The following IRX2 variants were observed in gnomAD, a reference collection of about 807,000 sequenced individuals.
IRX2 encodes iroquois homeobox 2.
A neutral mutation model predicts 42.9 loss-of-function variants in IRX2; 26 were observed. The observed-to-expected ratio is 0.61, with a 90% CI of 0.44 to 0.84. The LOEUF (loss-of-function observed/expected upper bound fraction) is 0.84, where lower values mean the gene tolerates loss of function less well. Ranked by LOEUF, IRX2 falls within the 40% of genes least tolerant of loss-of-function variation. The pLI is 0.00. For missense variants in IRX2, 782 were observed against 713.9 expected, an observed-to-expected ratio of 1.10 and a Z score of -1.09; for synonymous variants, 424 against 353.9, an observed-to-expected ratio of 1.20 and a Z score of -2.22.
rs751032410 is a variant in IRX2, at chr5:2,751,181, CCGGCGG to C, written c.227_232del (p.Ala76_Ala77del). ...CCCGGTTACCATGTAGGACGGGAAGCCGGCGGCGGCGGCGGCGGCGTCGGCCGAGTA... is the reference window on the plus strand; with the variant it reads ...CCCGGTTACCATGTAGGACGGGAAGCCGGCGGCGGCGGCGTCGGCCGAGTA... On this transcript the variant is annotated inframe_deletion, in exon 1 of 4. Transcript: ENST00000302057. The surrounding 1 kb of genome is among the most constrained non-coding windows in gnomAD (Gnocchi z 4.0). The C allele has an allele frequency of 1.5e-5, 19 of 1,266,508 alleles. No individual in the cohort carries two copies. The South Asian group carries it at 2.0e-4, about 13-fold the overall frequency. The allele number at this position is 1,266,508 out of a possible 1,614,324, so 78.5% of individuals were successfully genotyped here.
the IRX2 span, among the ~76,000 whole-genome samples, chr5:2,740,017 T>C: frequency 0.64 from 96,775 of 151,962 alleles, 31,139 homozygotes; most frequent in South Asian, 0.76. Flanking sequence ...TTCTTCTGGG[T>C]CGGTTGGTGG....
the IRX2 span, among the ~76,000 whole-genome samples, chr5:2,737,473 CT>C: frequency 1.3e-5 from 2 of 152,222 alleles, no homozygotes; most frequent in Non-Finnish European, 2.9e-5. Flanking sequence ...TCTGCAGAGC[CT>C]GCTACGTGGG....
At chr5:2,740,659 C>T in the IRX2 span, among the ~76,000 whole-genome samples, 4 of 152,268 alleles carry the variant, frequency 2.6e-5, no homozygotes, top group East Asian at 7.8e-4. Context: ...CAGCTTCTGC[C>T]CCTCAAGACT....
At chr5:2,739,590 C>T in the IRX2 span, among the ~76,000 whole-genome samples, 666 of 152,288 alleles carry the variant, frequency 4.4e-3, 5 homozygotes, top group Non-Finnish European at 7.6e-3. Flanking sequence ...CCCGGGCGCT[C>T]GGCACCTCCC....
At chr5:2,745,647 G>C (rs1442357935), downstream of IRX2, among the ~76,000 whole-genome samples, 1 of 152,156 alleles carries the variant, frequency 6.6e-6, no homozygotes, top group Non-Finnish European at 1.5e-5. Flanking sequence ...TGCATTATAG[G>C]AAAAGGACAG....
chr5:2,748,629 G>A lies in IRX2; in HGVS notation c.1079C>T (p.Pro360Leu). The change falls in exon 3 of 4, where the codon CCG becomes CTG. Residue 360 changes from proline (P) to leucine (L), a missense_variant. Around this residue, in one of 3 missense-constraint regions of IRX2, gnomAD observed 520 missense variants for 437.8 expected, o/e 1.19. Transcript: ENST00000302057. ...TCCTGGCGGTGCCCCGGTTGAGGCC[G>A]GCGCGGCGGCCGCGGGCAGCCCCGG... ...GPPGLPAAAA[P>L]ASTGAPPGGS... The A allele has an allele frequency of 4.1e-6, 6 of 1,469,652 alleles. No individual in the cohort carries two copies. Among genetic ancestry groups the A allele is most frequent in the Non-Finnish European group, 5.4e-6 (6 of 1,114,804 alleles). 91.0% of individuals were successfully genotyped at this position (1,469,652 alleles called of 1,614,324 possible). A position where few individuals can be genotyped will look rare whatever the true frequency, so the allele number is the denominator to read the frequency against.
chr5:2,751,294 C>T lies in IRX2; in HGVS notation c.120G>A (p.Ala40=). ...APRSEELARS[A]SGSAFSPYPG... ...GGTAGGGGCTGAACGCCGAGCCCGA[C>T]GCCGAGCGCGCCAGCTCCTCGCTGC... The change falls in exon 1 of 4, where the codon GCG becomes GCA. Residue 40 remains alanine, a synonymous_variant. Coordinates refer to ENST00000302057, the MANE Select transcript of IRX2 (RefSeq NM_033267.5). The surrounding 1 kb of genome is among the most constrained non-coding windows in gnomAD (Gnocchi z 4.0). 2 of 1,432,694 alleles carry T rather than the reference C, an allele frequency of 1.4e-6. No individual in the cohort carries two copies. Among genetic ancestry groups the T allele is most frequent in the Non-Finnish European group, 1.8e-6 (2 of 1,093,266 alleles). 88.7% of individuals were successfully genotyped at this position (1,432,694 alleles called of 1,614,324 possible).
rs764957558 is a variant in IRX2 at position 2,747,577 on chromosome 5, T to C, written c.1403A>G (p.Gln468Arg). ...TGCTCGGCCCTTCTATAGGTAGGGC[T>C]GGACGCCCCCGCCAACCACGGTGCA... ...EGCTVVGGGV[Q>R]PYL The change falls in exon 4 of 4, where the codon CAG becomes CGG. Residue 468 changes from glutamine (Q) to arginine (R), a missense_variant. Around this residue, in one of 3 missense-constraint regions of IRX2, gnomAD observed 520 missense variants for 437.8 expected, o/e 1.19. Transcript: ENST00000302057. 3.1e-6 allele frequency: 5 copies of C among 1,614,086 alleles called. No individual in the cohort carries two copies. In the South Asian group the frequency reaches 5.5e-5, roughly 18 times the overall value.
chr5:2,741,504 T>A (rs1737538305), downstream of IRX2, among the ~76,000 whole-genome samples: 1 of 152,158 alleles, frequency 6.6e-6, no homozygotes, highest in East Asian at 1.9e-4. Flanking sequence ...TAGGGGTGAG[T>A]CTTGACTCTT....
In IRX2 at chr5:2,751,459, G is replaced by A; in HGVS notation, c.-46C>T. On this transcript the variant is annotated 5_prime_UTR_variant, in exon 1 of 4. Coordinates refer to ENST00000302057, the MANE Select transcript of IRX2 (RefSeq NM_033267.5). This position sits in a 1 kb window ranked among gnomAD's most constrained non-coding sequence, Gnocchi z 4.0. The stretch of plus-strand genomic sequence containing the variant: ...CCCGCGTCACGCCGAGCAGCGGGCA[G>A]GGCGCGCGGCGCCCTCCATCCACGC... The A allele has an allele frequency of 2.6e-6, 3 of 1,133,172 alleles. No homozygotes were observed. Among genetic ancestry groups the A allele is most frequent in the Middle Eastern group, 3.8e-4 (1 of 2,618 alleles). 70.2% of individuals were successfully genotyped at this position (1,133,172 alleles called of 1,614,324 possible).
chr5:2,741,377 T>C (rs1486510852), downstream of IRX2, among the ~76,000 whole-genome samples: 1 of 149,500 alleles, frequency 6.7e-6, no homozygotes, highest in African/African-American at 2.4e-5. Flanking sequence ...TCTGGAATCA[T>C]TATTTATAGC....
the IRX2 span, among the ~76,000 whole-genome samples, chr5:2,740,649 C>T: frequency 6.6e-6 from 1 of 152,328 alleles, no homozygotes; most frequent in East Asian, 1.9e-4. Flanking sequence ...GGGCTTGAGC[C>T]AGCTTCTGCC....
downstream of IRX2, among the ~76,000 whole-genome samples, chr5:2,745,223 A>G (rs1034858478): frequency 6.6e-6 from 1 of 152,208 alleles, no homozygotes; most frequent in African/African-American, 2.4e-5. Flanking sequence ...CTGCAACATT[A>G]TTAATCATGG....
At chr5:2,736,463 T>C in the IRX2 span, among the ~76,000 whole-genome samples, 1 of 152,278 alleles carries the variant, frequency 6.6e-6, no homozygotes, top group Admixed American at 6.5e-5. Flanking sequence ...TCTTTAAATT[T>C]TAATAGAAAG....
At position 2,751,078 on chromosome 5, in the gene IRX2, C is replaced by T. The variant is rs377527492; in HGVS notation, c.249+87G>A. On this transcript the variant is annotated intron_variant, in intron 1 of 3. Transcript: ENST00000302057. This position sits in a 1 kb window ranked among gnomAD's most constrained non-coding sequence, Gnocchi z 4.0. ...GCCGCGCCACATTCCCGGCGGCCCC[C>T]GCCCGCCGAACCCGAGCCCCGCTCC... is the stretch of plus-strand genomic sequence containing the variant. The T allele has an allele frequency of 1.2e-5, 14 of 1,178,972 alleles. 1 individual carries two copies. The African/African-American group carries it at 1.3e-4, about 11-fold the overall frequency. 73.0% of individuals were successfully genotyped at this position (1,178,972 alleles called of 1,614,324 possible).
chr5:2,748,089 AAGAC>A (rs1320035072), intron 3 of IRX2, among the ~76,000 whole-genome samples: 11 of 152,326 alleles, frequency 7.2e-5, no homozygotes, highest in African/African-American at 2.2e-4. Context: ...TGCCGAAACT[AAGAC>A]AGCCACGATA....
chr5:2,742,304 G>A (rs1163509760), downstream of IRX2, among the ~76,000 whole-genome samples: 1 of 151,280 alleles, frequency 6.6e-6, no homozygotes, highest in Non-Finnish European at 1.5e-5. Context: ...GCTAGTGAGT[G>A]CTTTCATTAT....
downstream of IRX2, among the ~76,000 whole-genome samples, chr5:2,743,757 CTCTCT>C (rs979911172): frequency 6.6e-6 from 1 of 152,098 alleles, no homozygotes; most frequent in African/African-American, 2.4e-5. Flanking sequence ...AAAGATATCT[CTCTCT>C]TTCTCTCTCC....
Position 2,747,545 on chromosome 5 carries a change from A to T in IRX2, c.*19T>A. The T allele has an allele frequency of 6.2e-7, 1 of 1,612,568 alleles. No individual in the cohort carries two copies. Among genetic ancestry groups the T allele is most frequent in the Admixed American group, 1.7e-5 (1 of 60,006 alleles). On this transcript the variant is annotated 3_prime_UTR_variant, in exon 4 of 4. Coordinates refer to ENST00000302057, the MANE Select transcript of IRX2 (RefSeq NM_033267.5). ...AGCACCAGGGTGCCCACTTACTTGC[A>T]TTGCTGTGCTCGGCCCTTCTATAGG...
Sources: allele counts gnomAD v4.1 joint callset (sites outside exome capture counted in the v4.1 genomes callset), GRCh38; gene constraint gnomAD v4.1.1; regional missense constraint gnomAD v4.1.1; non-coding constraint Gnocchi (gnomAD v3.1); transcripts MANE v1.5; gene names NCBI Gene and HGNC (gene_info 2026-07-23, HGNC 2026-07-21).